Variants in BCL2L11 observed in about 807,000 individuals in gnomAD.
BCL2L11 encodes the protein BCL2 like 11.
BCL2L11 carries 15 observed loss-of-function variants against 20.6 expected under a neutral mutation model. That is an observed-to-expected ratio of 0.73 (90% confidence interval 0.49 to 1.12). BCL2L11 has a LOEUF of 1.12. Ranked by LOEUF, BCL2L11 falls within the 50% of genes most tolerant of loss-of-function variation. The pLI, the probability that BCL2L11 is intolerant of heterozygous loss-of-function variation, is 0.00. For missense variants in BCL2L11, 292 were observed against 260.9 expected (o/e 1.12, Z -0.82); for synonymous variants, 108 against 92.8 (o/e 1.16, Z -0.94).
intron 3 of BCL2L11, among the ~76,000 whole-genome samples, chr2:111,151,439 AC>A (rs1377021079): frequency 1.3e-5 from 2 of 151,602 alleles, no homozygotes. Flanking sequence ...ATTTATTCTT[AC>A]CCCTTCTCTT....
chr2:111,124,438 G>A (rs956444691), intron 2 of BCL2L11, among the ~76,000 whole-genome samples: 3 of 152,002 alleles, frequency 2.0e-5, no homozygotes, highest in African/African-American at 7.3e-5. Context: ...CTACAGGCGC[G>A]TGCCACCACG....
At chr2:111,163,682 C>T (rs1183513068) in intron 3 of BCL2L11, among the ~76,000 whole-genome samples, 2 of 152,060 alleles carry the variant, frequency 1.3e-5, no homozygotes, top group Admixed American at 6.5e-5. Context: ...CGCATCACTG[C>T]GAGACTTTAT....
chr2:111,156,186 T>C (rs1049393040), intron 3 of BCL2L11, among the ~76,000 whole-genome samples: 1 of 152,174 alleles, frequency 6.6e-6, no homozygotes, highest in African/African-American at 2.4e-5. Flanking sequence ...ACTTTGGAGG[T>C]CTTCATTAAT....
chr2:111,123,457 T>G (rs2071700328), intron 1 of BCL2L11: 1 of 985,472 alleles, frequency 1.0e-6, no homozygotes, highest in South Asian at 4.7e-5. Context: ...GACTTCAGAT[T>G]AGCTGCTTCT....
intron 2 of BCL2L11, among the ~76,000 whole-genome samples, chr2:111,138,831 C>T (rs928329980): frequency 1.3e-5 from 2 of 152,134 alleles, no homozygotes; most frequent in Non-Finnish European, 2.9e-5. Context: ...CTTCAGCTTC[C>T]TCAGCCATCA....
At chr2:111,150,316 A>C (rs760222674) in intron 3 of BCL2L11, 169 bp downstream of exon 3, 43 of 1,365,964 alleles carry the variant, frequency 3.1e-5, no homozygotes, top group Non-Finnish European at 4.0e-5. Context: ...CATTTGTTTT[A>C]TGACTAAGTA....
intron 3 of BCL2L11, among the ~76,000 whole-genome samples, chr2:111,156,067 T>A (rs987543586): frequency 6.6e-6 from 1 of 152,232 alleles, no homozygotes; most frequent in Non-Finnish European, 1.5e-5. Flanking sequence ...CTTGTTTTTA[T>A]AAATGGTAGT....
chr2:111,158,401 GC>G (rs1468862861), intron 3 of BCL2L11, among the ~76,000 whole-genome samples: 1 of 152,074 alleles, frequency 6.6e-6, no homozygotes, highest in Non-Finnish European at 1.5e-5. Context: ...TCCATCCCAG[GC>G]CCTCTCTTCT....
intron 1 of BCL2L11, chr2:111,122,550 G>T: frequency 3.2e-6 from 3 of 947,876 alleles, no homozygotes; most frequent in Non-Finnish European, 3.8e-6. Context: ...ACCGCGCGCG[G>T]ACCAATTGGG....
intron 2 of BCL2L11, among the ~76,000 whole-genome samples, chr2:111,133,337 G>A (rs576389916): frequency 3.3e-5 from 5 of 152,142 alleles, no homozygotes; most frequent in African/African-American, 7.2e-5. Flanking sequence ...ACCCCCTTTC[G>A]CTTTTCTAAT....
In BCL2L11 at chr2:111,164,935, T is replaced by G. The variant is rs1483869138; in HGVS notation, c.*704T>G. The G allele has an allele frequency of 1.3e-5, 2 of 152,268 alleles. No homozygotes were observed. The highest frequency in any genetic ancestry group is 4.8e-5 in the African/African-American group (2 of 41,448). The allele number at this position is 152,268 out of a possible 1,614,324, so 9.4% of individuals were successfully genotyped here. ...AAATTCAGTTGCATCTGTGGCAAAA[T>G]TTCAGACTATTTTTGCGTCTTTCCT... On this transcript the variant is annotated 3_prime_UTR_variant, in exon 4 of 4. Transcript: ENST00000393256.
At chr2:111,155,300 G>A (rs1248117868) in intron 3 of BCL2L11, among the ~76,000 whole-genome samples, 1 of 152,172 alleles carries the variant, frequency 6.6e-6, no homozygotes, top group Non-Finnish European at 1.5e-5. Flanking sequence ...GCCCAAGACA[G>A]CCAGACTGTT....
chr2:111,151,988 G>A (rs996996969), intron 3 of BCL2L11: 10 of 1,142,324 alleles, frequency 8.8e-6, no homozygotes, highest in Non-Finnish European at 1.3e-5. Flanking sequence ...AAGGGATTTT[G>A]GTGTTCCTGT....
chr2:111,167,383 C>G lies in BCL2L11; in HGVS notation c.*3152C>G, dbSNP rs887199568. On this transcript the variant is annotated 3_prime_UTR_variant, in exon 4 of 4. Transcript: ENST00000393256. ...CTACAAAATTCTACTCCAAGAAATA[C>G]CCAGCAACCTTCTGTTTGTTCCAAA... is the stretch of plus-strand genomic sequence containing the variant. 1 of 152,214 alleles carries G rather than the reference C, an allele frequency of 6.6e-6. No individual in the cohort carries two copies. The highest frequency in any genetic ancestry group is 1.5e-5 in the Non-Finnish European group (1 of 68,030). 9.4% of individuals were successfully genotyped at this position (152,214 alleles called of 1,614,324 possible).
At position 111,164,297 on chromosome 2, in the gene BCL2L11, A is replaced by G. The variant is rs2078921493; in HGVS notation, c.*66A>G. ...CTTGTTCAAACCAACAAGACCCAGC[A>G]CCGCGGTCTCCTGGTGCCATTATTA... On this transcript the variant is annotated 3_prime_UTR_variant, in exon 4 of 4. Transcript: ENST00000393256. 6.6e-6 allele frequency: 8 copies of G among 1,205,722 alleles called. No homozygotes were observed. The highest frequency in any genetic ancestry group is 9.9e-6 in the Non-Finnish European group (8 of 808,202). 74.7% of individuals were successfully genotyped at this position (1,205,722 alleles called of 1,614,324 possible). A position where few individuals can be genotyped will look rare whatever the true frequency, so the allele number is the denominator to read the frequency against.
At chr2:111,154,695 A>G (rs1021865421) in intron 3 of BCL2L11, among the ~76,000 whole-genome samples, 1 of 152,232 alleles carries the variant, frequency 6.6e-6, no homozygotes, top group Non-Finnish European at 1.5e-5. Flanking sequence ...ATCTTGGATC[A>G]AAGATCTTCC....
chr2:111,153,204 C>T (rs1345884685), intron 3 of BCL2L11, among the ~76,000 whole-genome samples: 2 of 151,866 alleles, frequency 1.3e-5, no homozygotes, highest in African/African-American at 2.4e-5. Context: ...ATGGTGAAGC[C>T]CCGTCTCTAC....
At chr2:111,124,409 G>C (rs2072033839) in intron 2 of BCL2L11, among the ~76,000 whole-genome samples, 1 of 151,864 alleles carries the variant, frequency 6.6e-6, no homozygotes, top group Admixed American at 6.6e-5. Context: ...TCCTACCTCA[G>C]CCTCCAGAGT....
At chr2:111,161,640 C>A (rs1575217806) in intron 3 of BCL2L11, 3 of 1,387,220 alleles carry the variant, frequency 2.2e-6, no homozygotes, top group African/African-American at 1.5e-5. Flanking sequence ...GTCATACTTG[C>A]CTTTAACTGG....
Sources: allele counts gnomAD v4.1 joint callset (sites outside exome capture counted in the v4.1 genomes callset), GRCh38; gene constraint gnomAD v4.1.1; transcripts MANE v1.5; gene names NCBI Gene and HGNC (gene_info 2026-07-23, HGNC 2026-07-21).